POMT2: variants seen among roughly 807,000 people sequenced by gnomAD.
The protein encoded by POMT2 is protein O-mannosyltransferase 2.
Under a neutral mutation model 100.0 loss-of-function variants are expected in POMT2, and 75 were observed. The ratio of observed to expected loss-of-function variants is 0.75; its 90% CI spans 0.62 to 0.91. The LOEUF (loss-of-function observed/expected upper bound fraction) is 0.91, where lower values mean the gene tolerates loss of function less well. Among genes scored for constraint, POMT2 ranks in the 40% least tolerant of loss-of-function variants. The pLI is 0.00. For missense variants in POMT2, 940 were observed against 955.1 expected, an observed-to-expected ratio of 0.98 and a Z score of 0.21; for synonymous variants, 378 against 374.1, an observed-to-expected ratio of 1.01 and a Z score of -0.12.
At chr14:77,288,222 C>A (rs1594786814) in intron 11 of POMT2, among the ~76,000 whole-genome samples, 1 of 152,240 alleles carries the variant, frequency 6.6e-6, no homozygotes, top group Non-Finnish European at 1.5e-5. Context: ...CCTGGTAACT[C>A]TTTAATATCT....
intron 15 of POMT2, among the ~76,000 whole-genome samples, chr14:77,282,315 A>T (rs1890265533): frequency 6.6e-6 from 1 of 152,192 alleles, no homozygotes; most frequent in Non-Finnish European, 1.5e-5. Flanking sequence ...CTATGGCTGA[A>T]ATCTGGATGG....
chr14:77,320,708 G>T lies in POMT2; in HGVS notation c.-27C>A. ...TTCCCCCTCCTCTGGGTCGCCCTCC[G>T]GCCCGGAGGCACACTTTGTCTGACC... On this transcript the variant is annotated 5_prime_UTR_variant, in exon 1 of 21. Transcript: ENST00000261534. The T allele has an allele frequency of 6.3e-7, 1 of 1,589,404 alleles. No individual in the cohort carries two copies. Among genetic ancestry groups the T allele is most frequent in the South Asian group, 1.1e-5 (1 of 90,310 alleles).
At chr14:77,280,295 C>T (rs1309830544) in intron 16 of POMT2, 97 bp downstream of exon 16, 57 of 1,583,482 alleles carry the variant, frequency 3.6e-5, no homozygotes, top group Non-Finnish European at 4.5e-5. Flanking sequence ...AGGCCCCTCG[C>T]CCTGCCGCCC....
intron 2 of POMT2, among the ~76,000 whole-genome samples, chr14:77,308,238 A>G (rs951719063): frequency 2.9e-4 from 44 of 152,184 alleles, no homozygotes; most frequent in Non-Finnish European, 5.1e-4. Context: ...TGACAAATTC[A>G]TAGAAAACAA....
chr14:77,296,456 G>A (rs1890835217), intron 8 of POMT2, 183 bp from the exon 9 acceptor site: 1 of 602,444 alleles, frequency 1.7e-6, no homozygotes, highest in South Asian at 1.9e-5. Context: ...TTCACCACAG[G>A]GCCCACTTAC....
intron 9 of POMT2, among the ~76,000 whole-genome samples, chr14:77,293,082 GA>G (rs932698354): frequency 6.6e-5 from 10 of 150,686 alleles, no homozygotes; most frequent in Non-Finnish European, 1.2e-4. Flanking sequence ...TGTTCCTCAG[GA>G]AAAAAAAATT....
chr14:77,284,660 G>A (rs1890352882), intron 14 of POMT2, among the ~76,000 whole-genome samples: 1 of 152,186 alleles, frequency 6.6e-6, no homozygotes, highest in South Asian at 2.1e-4. Flanking sequence ...CTGGAGGCTG[G>A]GGAGGTGCCC....
chr14:77,278,757 T>G lies in POMT2; in HGVS notation c.2004A>C (p.Pro668=), dbSNP rs750930174. Residue 668 remains proline (P), a synonymous_variant, in exon 19 of 21, where the codon CCA becomes CCC. Coordinates refer to ENST00000261534, the MANE Select transcript of POMT2 (RefSeq NM_013382.7). The part of the protein sequence containing the change: ...GRVLYFHHYF[P]AMLFSSMLTG... ...TCAACATGCTTGAGAAGAGCATGGC[T>G]GGGAAGTAGTGGTGGAAGTAGAGGA... 3 of 1,613,876 alleles carry G rather than the reference T, an allele frequency of 1.9e-6. No individual in the cohort carries two copies. The highest frequency in any genetic ancestry group is 2.5e-6 in the Non-Finnish European group (3 of 1,179,918).
At chr14:77,299,695 T>C in intron 6 of POMT2, 134 bp from the exon 7 acceptor site, 21 of 618,516 alleles carry the variant, frequency 3.4e-5, no homozygotes, top group Non-Finnish European at 5.3e-5. Flanking sequence ...GAGAGAAGAA[T>C]ATGTGGAAAC....
chr14:77,313,088 C>G (rs1209275117), intron 1 of POMT2, among the ~76,000 whole-genome samples: 1 of 152,222 alleles, frequency 6.6e-6, no homozygotes, highest in African/African-American at 2.4e-5. Context: ...GGGAACGCAG[C>G]CAAGTCATCC....
intron 10 of POMT2, among the ~76,000 whole-genome samples, chr14:77,289,089 T>C (rs1011782604): frequency 6.6e-6 from 1 of 150,712 alleles, no homozygotes; most frequent in Admixed American, 6.6e-5. Flanking sequence ...GCACTAGAAG[T>C]GTGAAAGAAG....
rs1891873372 is a variant in POMT2, at chr14:77,320,837, G to C, written c.-156C>G. ...CGGGGCCCCGGGCTCGGGGCGGGGC[G>C]GGCAGCGTGGTCGCGGCCCGGGCCG... On this transcript the variant is annotated 5_prime_UTR_variant, in exon 1 of 21. Coordinates refer to ENST00000261534, the MANE Select transcript of POMT2 (RefSeq NM_013382.7). The C allele has an allele frequency of 7.4e-7, 1 of 1,350,722 alleles. No homozygotes were observed. Among genetic ancestry groups the C allele is most frequent in the Non-Finnish European group, 9.5e-7 (1 of 1,053,072 alleles). The allele number at this position is 1,350,722 out of a possible 1,614,324, so 83.7% of individuals were successfully genotyped here. A position where few individuals can be genotyped will look rare whatever the true frequency, so the allele number is the denominator to read the frequency against.
intron 1 of POMT2, among the ~76,000 whole-genome samples, chr14:77,320,034 T>C (rs1312748081): frequency 6.6e-6 from 1 of 152,162 alleles, no homozygotes; most frequent in African/African-American, 2.4e-5. Flanking sequence ...GGTACACAGT[T>C]AGGTATTTTC....
intron 2 of POMT2, 185 bp from the exon 3 acceptor site, chr14:77,306,626 G>T: frequency 1.7e-6 from 1 of 598,832 alleles, no homozygotes; most frequent in Non-Finnish European, 2.9e-6. Flanking sequence ...TGTCTACAGA[G>T]CTCACTGCTT....
rs533916138 is a variant in POMT2 at position 77,298,688 on chromosome 14, C to T, written c.1006+1G>A. 37 of 1,613,808 alleles carry T rather than the reference C, an allele frequency of 2.3e-5. No homozygotes were observed. The highest frequency in any genetic ancestry group is 2.1e-4 in the South Asian group (19 of 90,906). On this transcript the variant is annotated splice_donor_variant, in intron 8 of 20. Coordinates refer to ENST00000261534, the MANE Select transcript of POMT2 (RefSeq NM_013382.7). LOFTEE classifies it high-confidence loss of function. ...CTTTGTAATGGCCCAGAGACACTCA[C>T]GTTCAGGGATGGAAGCATTGTGCAG...
chr14:77,308,058 C>T (rs988760566), intron 2 of POMT2, among the ~76,000 whole-genome samples: 10 of 151,172 alleles, frequency 6.6e-5, no homozygotes, highest in Middle Eastern at 3.4e-3. Context: ...GGCGGGGTTT[C>T]ACCATCTTGG....
At chr14:77,279,990 G>A (rs1373319454) in intron 17 of POMT2, 31 bp downstream of exon 17, 2 of 1,614,176 alleles carry the variant, frequency 1.2e-6, no homozygotes, top group Non-Finnish European at 1.7e-6. Context: ...AAGTGCTCCA[G>A]GGCCTGAGCC....
chr14:77,308,867 T>C (rs957465552), intron 2 of POMT2: 2 of 411,846 alleles, frequency 4.9e-6, no homozygotes, highest in Non-Finnish European at 4.8e-6. Flanking sequence ...TATACAACGA[T>C]ATATGTACAA....
intron 16 of POMT2, 90 bp downstream of exon 16, chr14:77,280,302 G>GC: frequency 6.3e-7 from 1 of 1,591,698 alleles, no homozygotes; most frequent in Admixed American, 1.8e-5. Context: ...TCGCCCTGCC[G>GC]CCCTAGTACA....
Sources: gnomAD v4.1 joint callset for allele counts (sites outside exome capture counted in the v4.1 genomes callset) on GRCh38, gnomAD v4.1.1 for gene constraint, MANE v1.5 for transcripts, NCBI Gene and HGNC (gene_info 2026-07-23, HGNC 2026-07-21) for gene names.